Variants in STRADA observed in about 807,000 individuals in gnomAD.
STRADA encodes the protein STE20 related adaptor alpha.
A neutral mutation model predicts 55.0 loss-of-function variants in STRADA; 26 were observed. That is an observed-to-expected ratio of 0.47 (90% CI 0.35 to 0.66). The LOEUF is 0.66. Among genes scored for constraint, STRADA ranks in the 30% least tolerant of loss-of-function variants. STRADA has a pLI of 0.01. For missense variants in STRADA, 443 were observed against 549.7 expected (o/e 0.81, Z 1.94); for synonymous variants, 197 against 210.9 (o/e 0.93, Z 0.57).
chr17:63,721,911 A>G (rs1025507254), intron 4 of STRADA, among the ~76,000 whole-genome samples: 21 of 152,330 alleles, frequency 1.4e-4, no homozygotes, highest in Non-Finnish European at 2.8e-4. Flanking sequence ...AAGAGAGACC[A>G]AACTTCATTT....
At chr17:63,713,910 G>T in intron 5 of STRADA, 96 bp downstream of exon 5, 1 of 963,730 alleles carries the variant, frequency 1.0e-6, no homozygotes, top group Non-Finnish European at 1.6e-6. Context: ...CTAACTAGTG[G>T]ATGGCCTCTG....
chr17:63,735,110 G>A (rs775947520), intron 1 of STRADA, among the ~76,000 whole-genome samples: 10 of 152,184 alleles, frequency 6.6e-5, no homozygotes, highest in South Asian at 4.1e-4. Context: ...GGCCGAGATC[G>A]TGCCATTGCA....
chr17:63,703,670 G>C lies in STRADA; in HGVS notation c.1225C>G (p.Gln409Glu). 6.2e-7 allele frequency: 1 copy of C among 1,614,192 alleles called. No homozygotes were observed. Among genetic ancestry groups the C allele is most frequent in the Non-Finnish European group, 8.5e-7 (1 of 1,180,028 alleles). ...PITNFEGSQSQDHSGIFGLVT... is the reference protein window; with the variant it reads ...PITNFEGSQSEDHSGIFGLVT... ...AGGCCAAAGATTCCACTGTGGTCCTGAGACTGGCTGCCCTCAAAATTGGTG... is the reference window on the plus strand; with the variant it reads ...AGGCCAAAGATTCCACTGTGGTCCTCAGACTGGCTGCCCTCAAAATTGGTG... Residue 409 changes from glutamine (Q) to glutamate (E), a missense_variant, in exon 13 of 13, where the codon CAG becomes GAG. Transcript: ENST00000336174.
chr17:63,713,608 T>C lies in STRADA; in HGVS notation c.227-81A>G, dbSNP rs1423980480. 5 of 1,549,970 alleles carry C rather than the reference T, an allele frequency of 3.2e-6. No homozygotes were observed. In the Admixed American group the frequency reaches 8.6e-5, roughly 27 times the overall value. On this transcript the variant is annotated intron_variant, in intron 5 of 12. Coordinates refer to ENST00000336174, the MANE Select transcript of STRADA (RefSeq NM_001003787.4). ...AAAATTTTCCTTTAAAAAAGGGACT[T>C]GATTTCAAAAGAAACTTAATGTTAA...
At position 63,706,664 on chromosome 17, in the gene STRADA, C is replaced by T; in HGVS notation, c.829G>A (p.Val277Ile). ...GTGGCAGGCATATCCTTAAAGGGGA[C>T]ATGGCCGTTGGCCAGTTCACAGGCT... Reference protein sequence around the residue: ...ITACELANGHVPFKDMPATQM... With the variant: ...ITACELANGHIPFKDMPATQM... The change falls in exon 10 of 13, where the codon GTC becomes ATC. Residue 277 changes from valine to isoleucine, a missense_variant. Coordinates refer to ENST00000336174, the MANE Select transcript of STRADA (RefSeq NM_001003787.4). 6.2e-7 allele frequency: 1 copy of T among 1,613,974 alleles called. No individual in the cohort carries two copies. Among genetic ancestry groups the T allele is most frequent in the South Asian group, 1.1e-5 (1 of 91,070 alleles).
At chr17:63,739,730 AT>A (rs2038726278) in intron 1 of STRADA, among the ~76,000 whole-genome samples, 1 of 148,478 alleles carries the variant, frequency 6.7e-6, no homozygotes, top group Admixed American at 6.8e-5. Flanking sequence ...ATGTGTATAT[AT>A]TATGTATACA....
rs192314924 is a variant in STRADA at position 63,736,424 on chromosome 17, T to G, written c.-45+5317A>C. Among the ~76,000 whole-genome samples, 13 of 151,726 alleles carry G rather than the reference T, an allele frequency of 8.6e-5. No individual in the cohort carries two copies. The East Asian group carries it at 2.6e-3, about 30-fold the overall frequency. On this transcript the variant is annotated intron_variant, in intron 1 of 12. Transcript: ENST00000336174. Reference sequence around the variant, plus strand: ...GGGTGGATCATCTGAGGTCAGGAGTTTGAGACCAGCCTGCCCAACATTGCA... The same window carrying G: ...GGGTGGATCATCTGAGGTCAGGAGTGTGAGACCAGCCTGCCCAACATTGCA...
rs907528788 is a variant in STRADA, at chr17:63,704,763, G to A, written c.859-181C>T. On this transcript the variant is annotated intron_variant, in intron 10 of 12. Coordinates refer to ENST00000336174, the MANE Select transcript of STRADA (RefSeq NM_001003787.4). ...TCCCAAAGAAACGCTGGTCACTGGC[G>A]TGGCAGCTCCGCCCTAGCCAGGCCA... 4.6e-5 allele frequency: 71 copies of A among 1,531,528 alleles called. 1 individual carries two copies. The highest frequency in any genetic ancestry group is 2.2e-4 in the African/African-American group (16 of 72,866). 94.9% of individuals were successfully genotyped at this position (1,531,528 alleles called of 1,614,324 possible).
At chr17:63,723,151 T>C in intron 4 of STRADA, 147 bp downstream of exon 4, 1 of 1,017,976 alleles carries the variant, frequency 9.8e-7, no homozygotes, top group Non-Finnish European at 1.5e-6. Context: ...AACCTGAATC[T>C]CCACAAGTAC....
intron 1 of STRADA, among the ~76,000 whole-genome samples, chr17:63,736,445 T>C (rs992441397): frequency 2.6e-5 from 4 of 151,712 alleles, no homozygotes; most frequent in African/African-American, 4.8e-5. Context: ...CTGCCCAACA[T>C]TGCAAAACAC....
intron 4 of STRADA, chr17:63,716,971 C>T (rs539058548): frequency 6.6e-6 from 1 of 152,352 alleles, no homozygotes; most frequent in South Asian, 2.1e-4. Flanking sequence ...GGGCAAGTCA[C>T]TCTGATCTCT....
At chr17:63,740,520 T>G (rs2038864510) in intron 1 of STRADA, among the ~76,000 whole-genome samples, 1 of 151,836 alleles carries the variant, frequency 6.6e-6, no homozygotes, top group African/African-American at 2.4e-5. Flanking sequence ...CTCAAAAAAA[T>G]TAAAATAAAA....
chr17:63,703,965 C>CAGAACT (rs1335028317), intron 12 of STRADA, 40 bp downstream of exon 12: 20 of 1,360,656 alleles, frequency 1.5e-5, no homozygotes, highest in Non-Finnish European at 1.8e-5. Flanking sequence ...TTGTTAGAAC[C>CAGAACT]AGAACTAGAA....
Position 63,714,061 on chromosome 17 carries a change from C to T in STRADA, c.171G>A (p.Glu57=), listed in dbSNP as rs375066319. 12 of 1,613,806 alleles carry T rather than the reference C, an allele frequency of 7.4e-6. No individual in the cohort carries two copies. Among genetic ancestry groups the T allele is most frequent in the Admixed American group, 1.7e-5 (1 of 59,974 alleles). ...SESIASFSKQ[E]VMSSFLPEGG... ...CCTCTGGCAGAAAGCTACTCATGAC[C>T]TCCTGTTTAGAGAAGGATGCTATTG... Residue 57 remains glutamate (E), a synonymous_variant, in exon 5 of 13, where the codon GAG becomes GAA. Transcript: ENST00000336174.
At chr17:63,710,306 G>C in intron 8 of STRADA, 185 bp downstream of exon 8, 2 of 963,388 alleles carry the variant, frequency 2.1e-6, no homozygotes, top group Middle Eastern at 3.6e-4. Flanking sequence ...CAAGCGCTGT[G>C]ATTACAGGCG....
rs751848996 is a variant in STRADA at position 63,713,392 on chromosome 17, T to C, written c.348+14A>G. 91 of 1,612,344 alleles carry C rather than the reference T, an allele frequency of 5.6e-5. No individual in the cohort carries two copies. Among genetic ancestry groups the C allele is most frequent in the Non-Finnish European group, 7.3e-5 (86 of 1,179,408 alleles). On this transcript the variant is annotated intron_variant, in intron 6 of 12. Transcript: ENST00000336174. ...CCCACCCTCCCTCCATGTGACACAC[T>C]CATGGTTTATTACCTGCAAGAATGT...
intron 6 of STRADA, among the ~76,000 whole-genome samples, chr17:63,711,480 A>G (rs1037191885): frequency 2.0e-5 from 3 of 152,178 alleles, no homozygotes; most frequent in African/African-American, 7.2e-5. Flanking sequence ...CCTCGCTGGT[A>G]GCTGCGACCA....
intron 6 of STRADA, among the ~76,000 whole-genome samples, chr17:63,711,336 C>T (rs181837742): frequency 3.3e-5 from 5 of 151,960 alleles, no homozygotes; most frequent in African/African-American, 1.2e-4. Context: ...AGCCACTGCA[C>T]CTGGCCAAAA....
At chr17:63,739,715 A>C (rs543493025) in intron 1 of STRADA, among the ~76,000 whole-genome samples, 1 of 147,494 alleles carries the variant, frequency 6.8e-6, no homozygotes, top group South Asian at 2.1e-4. Flanking sequence ...TACATATATA[A>C]TTTTATGTGT....
Sources: gnomAD v4.1 joint callset for allele counts (sites outside exome capture counted in the v4.1 genomes callset) on GRCh38, gnomAD v4.1.1 for gene constraint, MANE v1.5 for transcripts, NCBI Gene and HGNC (gene_info 2026-07-23, HGNC 2026-07-21) for gene names.